The following MTHFD1 variants were observed in gnomAD, a reference collection of about 807,000 sequenced individuals.
MTHFD1 encodes the protein methylenetetrahydrofolate dehydrogenase, cyclohydrolase and formyltetrahydrofolate synthetase 1, also known as C-1-tetrahydrofolate synthase, cytoplasmic.
MTHFD1 carries 44 observed loss-of-function variants against 110.3 expected under a neutral mutation model. The observed-to-expected ratio is 0.40, with a 90% CI of 0.31 to 0.51. MTHFD1 has a LOEUF of 0.51. Among genes scored for constraint, MTHFD1 ranks in the 20% least tolerant of loss-of-function variants. The pLI, the probability that MTHFD1 is intolerant of heterozygous loss-of-function variation, is 0.60. For missense variants in MTHFD1, 909 were observed against 1,173.1 expected, an observed-to-expected ratio of 0.77 and a Z score of 3.29; for synonymous variants, 402 against 428.8, an observed-to-expected ratio of 0.94 and a Z score of 0.77.
chr14:64,410,902 G>T (rs1277409989), intron 2 of MTHFD1, among the ~76,000 whole-genome samples, 188 bp from the exon 3 acceptor site: 1 of 152,054 alleles, frequency 6.6e-6, no homozygotes, highest in African/African-American at 2.4e-5. Flanking sequence ...TTAGGGGAGG[G>T]GCTGTAACAC....
In MTHFD1 at chr14:64,426,237, C is replaced by G. The variant is rs773949500; in HGVS notation, c.1127+45C>G. Reference sequence around the variant, plus strand: ...TGCCATCCAAATCTTAGTATCAGTCCTGATACTAAGGCGTTGCATTTGCAC... The same window carrying G: ...TGCCATCCAAATCTTAGTATCAGTCGTGATACTAAGGCGTTGCATTTGCAC... On this transcript the variant is annotated intron_variant, in intron 11 of 27. Transcript: ENST00000652337. 1.1e-5 allele frequency: 18 copies of G among 1,610,652 alleles called. No individual in the cohort carries two copies. In the South Asian group the frequency reaches 1.8e-4, roughly 16 times the overall value.
intron 23 of MTHFD1, 82 bp from the exon 24 acceptor site, chr14:64,449,363 C>G: frequency 2.0e-6 from 3 of 1,507,712 alleles, no homozygotes; most frequent in Non-Finnish European, 2.7e-6. Flanking sequence ...GGGTAATTCA[C>G]ATGAGGTTTA....
At chr14:64,416,138 G>A (rs1421323591) in intron 6 of MTHFD1, among the ~76,000 whole-genome samples, 2 of 152,040 alleles carry the variant, frequency 1.3e-5, no homozygotes, top group Middle Eastern at 3.2e-3. Flanking sequence ...CCAGCTATTC[G>A]GGAGGCAGAG....
At chr14:64,446,386 T>A (rs1183547451) in intron 22 of MTHFD1, among the ~76,000 whole-genome samples, 1 of 152,130 alleles carries the variant, frequency 6.6e-6, no homozygotes, top group Non-Finnish European at 1.5e-5. Context: ...ATTTATTGAG[T>A]GTATATGTCA....
chr14:64,394,292 G>A (rs55739639), intron 1 of MTHFD1, among the ~76,000 whole-genome samples: 1 of 151,848 alleles, frequency 6.6e-6, no homozygotes, highest in Admixed American at 6.6e-5. Context: ...GCAGAGGCTC[G>A]ATGGTGCATT....
At chr14:64,400,699 C>T in intron 1 of MTHFD1, 94 bp from the exon 2 acceptor site, 1 of 872,026 alleles carries the variant, frequency 1.1e-6, no homozygotes, top group Admixed American at 2.0e-5. Context: ...AATAAACAAA[C>T]AAACAAATAA....
chr14:64,447,149 CTTTTTTTTTTTTT>C (rs35824559), intron 22 of MTHFD1, among the ~76,000 whole-genome samples: 2 of 56,240 alleles, frequency 3.6e-5, no homozygotes, highest in South Asian at 9.2e-4. Context: ...CAGCTCAGTT[CTTTTTTTTTTTTT>C]TTTTTTTTTT....
In MTHFD1 at chr14:64,394,887, C is replaced by G. The variant is rs1306150020; in HGVS notation, c.42-5906C>G. ...GGTTCTTCCCTCCAAGTGGAGAACC[C>G]TTACCTTCCCCATTCTTTCTACCTT... On this transcript the variant is annotated intron_variant, in intron 1 of 27. Coordinates refer to ENST00000652337, the MANE Select transcript of MTHFD1 (RefSeq NM_005956.4). 3.9e-5 allele frequency among the ~76,000 whole-genome samples: 6 copies of G among 152,198 alleles called. No individual in the cohort carries two copies. The South Asian group carries it at 1.2e-3, about 32-fold the overall frequency.
Position 64,449,429 on chromosome 14 carries a change from A to G in MTHFD1, c.2280-16A>G, listed in dbSNP as rs773893134. 60 of 1,612,368 alleles carry G rather than the reference A, an allele frequency of 3.7e-5. No homozygotes were observed. The African/African-American group carries it at 6.8e-4, about 18-fold the overall frequency. On this transcript the variant is annotated splice_polypyrimidine_tract_variant and intron_variant, in intron 23 of 27. Transcript: ENST00000652337. ...AGCCATTTTCCATGCTTTGATATGA[A>G]ATGCTTCCTTTATAGGACGGATACA...
intron 21 of MTHFD1, among the ~76,000 whole-genome samples, chr14:64,444,321 G>GT (rs560305684): frequency 6.6e-5 from 10 of 151,456 alleles, no homozygotes; most frequent in Non-Finnish European, 1.3e-4. Flanking sequence ...ACATCCCAGG[G>GT]TGACTTCCGC....
chr14:64,405,020 GT>G (rs1036242265), intron 2 of MTHFD1, among the ~76,000 whole-genome samples: 3 of 152,008 alleles, frequency 2.0e-5, no homozygotes, highest in African/African-American at 7.2e-5. Context: ...CTCCTCTGCT[GT>G]TTGTCTAAGA....
chr14:64,435,028 C>A (rs1203052908), intron 15 of MTHFD1, among the ~76,000 whole-genome samples: 1 of 136,966 alleles, frequency 7.3e-6, no homozygotes, highest in East Asian at 2.4e-4. Context: ...TGGCTTACTG[C>A]AACCTCTACC....
chr14:64,426,243 C>T (rs752187101), intron 11 of MTHFD1, 51 bp downstream of exon 11: 7 of 1,607,252 alleles, frequency 4.4e-6, no homozygotes, highest in Non-Finnish European at 4.3e-6. Context: ...AGTCCTGATA[C>T]TAAGGCGTTG....
Position 64,441,554 on chromosome 14 carries a change from C to G in MTHFD1, c.1884+101C>G. 2.7e-6 allele frequency: 3 copies of G among 1,106,148 alleles called. 1 individual carries two copies. Among genetic ancestry groups the G allele is most frequent in the South Asian group, 2.5e-5 (2 of 78,480 alleles). 68.5% of individuals were successfully genotyped at this position (1,106,148 alleles called of 1,614,324 possible). ...AGGCGCGGTGGCTCACACCTGTAAT[C>G]CCAGCACTTTGGGAGGCCAAGGTGG... On this transcript the variant is annotated intron_variant, in intron 19 of 27. Transcript: ENST00000652337.
chr14:64,435,620 A>C lies in MTHFD1; in HGVS notation c.1546A>C (p.Asn516His), dbSNP rs2078200484. Residue 516 changes from asparagine to histidine, a missense_variant, in exon 16 of 28, where the codon AAC (asparagine) becomes CAC (histidine). Asn to His is a moderately conservative substitution (Grantham distance 68). Coordinates refer to ENST00000652337, the MANE Select transcript of MTHFD1 (RefSeq NM_005956.4). ...DPTTLTDEEI[N>H]RFARLDIDPE... ...TACCACACTGACAGATGAAGAGATA[A>C]ACAGATTTGCAAGATTGGACATTGA... 1.2e-6 allele frequency: 2 copies of C among 1,613,100 alleles called. No individual in the cohort carries two copies. Among genetic ancestry groups the C allele is most frequent in the Non-Finnish European group, 8.5e-7 (1 of 1,179,080 alleles).
rs1197329751 is a variant in MTHFD1, at chr14:64,388,656, G to A, written c.41+188G>A. ...CCTGCGTTTGCAAGTGGACTGCCTAGTGGCTGTAGCCGCTGGCTCCTGTGC... is the reference window on the plus strand; with the variant it reads ...CCTGCGTTTGCAAGTGGACTGCCTAATGGCTGTAGCCGCTGGCTCCTGTGC... On this transcript the variant is annotated intron_variant, in intron 1 of 27. Coordinates refer to ENST00000652337, the MANE Select transcript of MTHFD1 (RefSeq NM_005956.4). The A allele has an allele frequency of 1.2e-5, 8 of 668,582 alleles. No individual in the cohort carries two copies. In the East Asian group the frequency reaches 1.9e-4, roughly 16 times the overall value. The allele number at this position is 668,582 out of a possible 1,614,324, so 41.4% of individuals were successfully genotyped here. A position where few individuals can be genotyped will look rare whatever the true frequency, so the allele number is the denominator to read the frequency against.
At chr14:64,396,162 A>G (rs983306693) in intron 1 of MTHFD1, among the ~76,000 whole-genome samples, 5 of 152,158 alleles carry the variant, frequency 3.3e-5, no homozygotes, top group Non-Finnish European at 5.9e-5. Context: ...CTTATGTAAT[A>G]ATAGTACTAT....
At chr14:64,389,546 A>C (rs1020290021) in intron 1 of MTHFD1, among the ~76,000 whole-genome samples, 7 of 152,052 alleles carry the variant, frequency 4.6e-5, no homozygotes, top group African/African-American at 1.7e-4. Context: ...CATCTCTACT[A>C]AAAATACAAA....
intron 12 of MTHFD1, among the ~76,000 whole-genome samples, chr14:64,427,720 T>A (rs2140965309): frequency 6.6e-6 from 1 of 152,278 alleles, no homozygotes; most frequent in South Asian, 2.1e-4. Flanking sequence ...TGGAGGTGCT[T>A]TTATTTGACC....
Sources: gnomAD v4.1 joint callset for allele counts (sites outside exome capture counted in the v4.1 genomes callset) on GRCh38, gnomAD v4.1.1 for gene constraint, MANE v1.5 for transcripts, NCBI Gene and HGNC (gene_info 2026-07-23, HGNC 2026-07-21) for gene names.